The following DBR1 variants were observed in gnomAD, a reference collection of about 807,000 sequenced individuals.
The protein encoded by DBR1 is debranching RNA lariats 1, also known as lariat debranching enzyme.
In DBR1, 33 loss-of-function variants were observed where a neutral mutation model predicts 45.9. The ratio of observed to expected loss-of-function variants is 0.72; its 90% CI spans 0.55 to 0.96. The LOEUF (loss-of-function observed/expected upper bound fraction) is 0.96, where lower values mean the gene tolerates loss of function less well. Ranked by LOEUF, DBR1 falls within the 40% of genes least tolerant of loss-of-function variation. The probability of loss-of-function intolerance (pLI) is 0.00; values close to 1 mark genes in which losing one functional copy is unlikely to be tolerated. For missense variants in DBR1, 619 were observed against 667.4 expected, an observed-to-expected ratio of 0.93 and a Z score of 0.80; for synonymous variants, 235 against 235.9, an observed-to-expected ratio of 1.00 and a Z score of 0.04.
intron 2 of DBR1, among the ~76,000 whole-genome samples, chr3:138,172,965 A>G (rs555770856): frequency 5.3e-5 from 8 of 152,182 alleles, no homozygotes; most frequent in Non-Finnish European, 1.0e-4. Context: ...GTTAAGTATA[A>G]TAACAGTACT....
chr3:138,162,079 G>A lies in DBR1; in HGVS notation c.1445C>T (p.Thr482Met), dbSNP rs118174683. ...CTCTCTATCAATTGTGGAATCCACC[G>A]TATCATCAGAAGATACAATCATAGA... is the stretch of plus-strand genomic sequence containing the variant. ...PGSMIVSSDD[T>M]VDSTIDREGK... Residue 482 changes from threonine to methionine, a missense_variant, in exon 8 of 8, where the codon ACG becomes ATG. Transcript: ENST00000260803. 6.3e-5 allele frequency: 102 copies of A among 1,614,058 alleles called. 1 individual carries two copies. In the East Asian group the frequency reaches 8.9e-4, roughly 14 times the overall value.
At chr3:138,163,923 C>T (rs577970013) in intron 5 of DBR1, 65 bp from the exon 6 acceptor site, 11 of 1,134,984 alleles carry the variant, frequency 9.7e-6, no homozygotes, top group South Asian at 3.8e-5. Flanking sequence ...TCTTCATACA[C>T]GGAATAGGAT....
Position 138,174,810 on chromosome 3 carries a change from G to A in DBR1, c.-15C>T. The A allele has an allele frequency of 6.2e-7, 1 of 1,607,062 alleles. No individual in the cohort carries two copies. The highest frequency in any genetic ancestry group is 1.1e-5 in the South Asian group (1 of 90,054). Reference sequence around the variant, plus strand: ...GCCACCCGCATTCTGCCGGCCTGAGGAGGTGAGCGCTGCCTGCAACGCCCT... The same window carrying A: ...GCCACCCGCATTCTGCCGGCCTGAGAAGGTGAGCGCTGCCTGCAACGCCCT... On this transcript the variant is annotated 5_prime_UTR_variant, in exon 1 of 8. Transcript: ENST00000260803.
chr3:138,167,018 T>C (rs748041224), intron 5 of DBR1, 63 bp downstream of exon 5: 31 of 1,427,624 alleles, frequency 2.2e-5, no homozygotes, highest in Non-Finnish European at 2.9e-5. Context: ...TTTACAACTG[T>C]GTCTGGTCCA....
chr3:138,171,558 C>CA (rs1481494778), intron 3 of DBR1, 75 bp downstream of exon 3: 19 of 784,014 alleles, frequency 2.4e-5, no homozygotes, highest in Middle Eastern at 7.7e-4. Context: ...ATGAAAGAGT[C>CA]AAAGTACATA....
At chr3:138,169,484 A>C (rs1346227999) in intron 4 of DBR1, among the ~76,000 whole-genome samples, 2 of 152,214 alleles carry the variant, frequency 1.3e-5, no homozygotes, top group Non-Finnish European at 2.9e-5. Context: ...ACATAAAATA[A>C]AATGTTTATT....
chr3:138,163,524 C>T (rs1425018387), intron 6 of DBR1, 30 bp from the exon 7 acceptor site: 1 of 1,403,124 alleles, frequency 7.1e-7, no homozygotes, highest in East Asian at 2.4e-5. Flanking sequence ...TTAAGAAATA[C>T]ATATATATTT....
At position 138,163,634 on chromosome 3, in the gene DBR1, TA is replaced by T. The variant is rs551098571; in HGVS notation, c.796-141del. 6.3e-4 allele frequency: 450 copies of T among 719,858 alleles called. 1 individual carries two copies. In the South Asian group the frequency reaches 0.011, roughly 17 times the overall value. The allele number at this position is 719,858 out of a possible 1,614,324, so 44.6% of individuals were successfully genotyped here. A position where few individuals can be genotyped will look rare whatever the true frequency, so the allele number is the denominator to read the frequency against. ...AATTTTAAATCAATCCATTTAATTT[TA>T]AATTAATAAGTAAGATACCCCCAAA... On this transcript the variant is annotated intron_variant, in intron 6 of 7. Transcript: ENST00000260803.
intron 4 of DBR1, among the ~76,000 whole-genome samples, chr3:138,168,520 C>CAAAAAA (rs1315660239): frequency 1.6e-5 from 1 of 62,526 alleles, no homozygotes; most frequent in African/African-American, 5.2e-5. Flanking sequence ...AACTTTGTCT[C>CAAAAAA]AAAAAAAAAA....
rs2042909748 is a variant in DBR1, at chr3:138,162,011, A to T, written c.1513T>A (p.Leu505Ile). 1.2e-6 allele frequency: 2 copies of T among 1,613,982 alleles called. No homozygotes were observed. Among genetic ancestry groups the T allele is most frequent in the Non-Finnish European group, 1.7e-6 (2 of 1,180,032 alleles). ...AGCCTCTTCAATGGCACCTTGGTTA[A>T]GTCCTCTCCATTCCCTGACTCCACA... Reference protein sequence around the residue: ...GTVESGNGEDLTKVPLKRLSD... With the variant: ...GTVESGNGEDITKVPLKRLSD... The change falls in exon 8 of 8, where the codon TTA becomes ATA. Residue 505 changes from leucine (L) to isoleucine (I), a missense_variant. Coordinates refer to ENST00000260803, the MANE Select transcript of DBR1 (RefSeq NM_016216.4).
In DBR1 at chr3:138,174,640, C is replaced by T; in HGVS notation, c.156G>A (p.Met52Ile). 6.2e-7 allele frequency: 1 copy of T among 1,612,488 alleles called. No individual in the cohort carries two copies. The highest frequency in any genetic ancestry group is 8.5e-7 in the Non-Finnish European group (1 of 1,179,408). Residue 52 changes from methionine to isoleucine, a missense_variant, in exon 1 of 8, where the codon ATG becomes ATA. By Grantham distance (10) the Met-to-Ile change is conservative. Transcript: ENST00000260803. ...TGTGACGATACTTGGGCGGCACGGC[C>T]ATGCAGCGTAGATCCGCCTCGTTGC... The part of the protein sequence containing the change: ...AVRNEADLRC[M>I]AVPPKYRHMQ...
At chr3:138,163,600 C>A (rs1472073887) in intron 6 of DBR1, 106 bp from the exon 7 acceptor site, 2 of 744,960 alleles carry the variant, frequency 2.7e-6, no homozygotes, top group African/African-American at 1.8e-5. Context: ...AATTTAATTT[C>A]AATTATTTAA....
rs778482901 is a variant in DBR1, at chr3:138,163,388, C to T, written c.902G>A (p.Arg301His). ...ATTATTTTCTGGCATATTCCACAGG[C>T]GCCCAGTCACATTAATAAGATCATC... The part of the protein sequence containing the change: ...ATDDLINVTG[R>H]LWNMPENNGL... Residue 301 changes from arginine to histidine, a missense_variant, in exon 7 of 8, where the codon CGC becomes CAC. By Grantham distance (29) the Arg-to-His change is conservative (BLOSUM62 0). Around this residue, in one of 3 missense-constraint regions of DBR1, gnomAD observed 430 missense variants for 447.7 expected, o/e 0.96. Coordinates refer to ENST00000260803, the MANE Select transcript of DBR1 (RefSeq NM_016216.4). 19 of 1,613,548 alleles carry T rather than the reference C, an allele frequency of 1.2e-5. No individual in the cohort carries two copies. Among genetic ancestry groups the T allele is most frequent in the East Asian group, 6.7e-5 (3 of 44,884 alleles).
intron 4 of DBR1, among the ~76,000 whole-genome samples, chr3:138,169,814 T>C (rs1182353452): frequency 6.6e-6 from 1 of 152,072 alleles, no homozygotes; most frequent in Non-Finnish European, 1.5e-5. Context: ...GCGCCCATAG[T>C]TCCAGCTACT....
intron 3 of DBR1, among the ~76,000 whole-genome samples, chr3:138,170,699 A>G (rs777672024): frequency 5.3e-5 from 8 of 152,358 alleles, no homozygotes; most frequent in Middle Eastern, 6.8e-3. Context: ...GACTTGTAAC[A>G]GTTACATTCA....
intron 4 of DBR1, among the ~76,000 whole-genome samples, chr3:138,167,672 G>A (rs559699747): frequency 3.3e-5 from 5 of 152,308 alleles, no homozygotes; most frequent in African/African-American, 7.2e-5. Context: ...TGGGCCGGGC[G>A]CGGTGGCTCA....
At chr3:138,167,427 A>C in intron 4 of DBR1, 122 bp from the exon 5 acceptor site, 1 of 690,300 alleles carries the variant, frequency 1.4e-6, no homozygotes. Context: ...AATTCTGTAT[A>C]ATTCATTCTA....
Position 138,170,114 on chromosome 3 carries a change from A to T in DBR1, c.482T>A (p.Leu161Ter). ...AATGCGCTTTTTACGTACCTGTTTT[A>T]ATTTATAGACTTCAATATTTCTCAC... ...YHVRNIEVYK[L>*]KQLKQPIDIF... Residue 161 changes from leucine to a stop codon, truncating the protein, a stop_gained, in exon 4 of 8, where the codon TTA becomes TAA. Coordinates refer to ENST00000260803, the MANE Select transcript of DBR1 (RefSeq NM_016216.4). LOFTEE classifies it high-confidence loss of function. 2 of 1,570,686 alleles carry T rather than the reference A, an allele frequency of 1.3e-6. No individual in the cohort carries two copies. Among genetic ancestry groups the T allele is most frequent in the Non-Finnish European group, 1.7e-6 (2 of 1,145,738 alleles).
intron 5 of DBR1, among the ~76,000 whole-genome samples, chr3:138,164,424 G>A (rs1232002012): frequency 3.3e-5 from 5 of 152,122 alleles, no homozygotes; most frequent in Admixed American, 1.3e-4. Context: ...TATATTTTAC[G>A]ATTCCATTTA....
Sources: gnomAD v4.1 joint callset for allele counts (sites outside exome capture counted in the v4.1 genomes callset) on GRCh38, gnomAD v4.1.1 for gene constraint, gnomAD v4.1.1 regional missense constraint, MANE v1.5 for transcripts, NCBI Gene and HGNC (gene_info 2026-07-23, HGNC 2026-07-21) for gene names.